PDE4D: variants seen among roughly 807,000 people sequenced by gnomAD.
PDE4D encodes phosphodiesterase 4D.
A neutral mutation model predicts 87.4 loss-of-function variants in PDE4D; 24 were observed. The ratio of observed to expected loss-of-function variants is 0.27; its 90% CI spans 0.20 to 0.39. The LOEUF (loss-of-function observed/expected upper bound fraction) is 0.39, where lower values mean the gene tolerates loss of function less well. Among genes scored for constraint, PDE4D ranks in the 10% least tolerant of loss-of-function variants. The pLI is 1.00. For synonymous variants in PDE4D, 384 were observed against 383.2 expected, an observed-to-expected ratio of 1.00 and a Z score of -0.02; for missense variants, 714 against 1,041.0, an observed-to-expected ratio of 0.69 and a Z score of 4.32.
intron 1 of PDE4D, among the ~76,000 whole-genome samples, chr5:59,665,823 T>C (rs1479038000): frequency 6.6e-6 from 1 of 152,064 alleles, no homozygotes; most frequent in African/African-American, 2.4e-5. Context: ...TTCTTCCAAG[T>C]GAGGACACAG....
chr5:59,522,081 T>TA (rs1434457649), intron 1 of PDE4D, among the ~76,000 whole-genome samples: 1 of 152,208 alleles, frequency 6.6e-6, no homozygotes, highest in African/African-American at 2.4e-5. Context: ...TTCACAAATT[T>TA]AAAAAATACA....
intron 2 of PDE4D, among the ~76,000 whole-genome samples, chr5:60,092,744 C>T (rs1775268983): frequency 1.3e-5 from 2 of 152,124 alleles, no homozygotes; most frequent in South Asian, 4.1e-4. Context: ...AGTGAATCAC[C>T]AAGCCCATAT....
intron 1 of PDE4D, among the ~76,000 whole-genome samples, chr5:59,359,229 C>T (rs1482983795): frequency 6.6e-6 from 1 of 152,074 alleles, no homozygotes; most frequent in Non-Finnish European, 1.5e-5. Flanking sequence ...TTTCCCCCTG[C>T]TTTGTAAAGG....
chr5:60,131,979 A>T (rs1368623510), intron 2 of PDE4D, among the ~76,000 whole-genome samples: 4 of 152,202 alleles, frequency 2.6e-5, no homozygotes, highest in Non-Finnish European at 4.4e-5. Context: ...TTCAGTAATC[A>T]ACACCACTCA....
chr5:60,496,747 A>C (rs1749830652), intron 1 of PDE4D, among the ~76,000 whole-genome samples: 1 of 152,212 alleles, frequency 6.6e-6, no homozygotes. Flanking sequence ...AAGGACATAG[A>C]GTTGATAGGT....
At chr5:58,985,584 G>A (rs1027072863) in intron 11 of PDE4D, among the ~76,000 whole-genome samples, 1 of 152,116 alleles carries the variant, frequency 6.6e-6, no homozygotes, top group Non-Finnish European at 1.5e-5. Flanking sequence ...AGTAAGACAA[G>A]TAACCAACTA....
At chr5:59,332,866 A>G (rs904331881) in intron 1 of PDE4D, among the ~76,000 whole-genome samples, 17 of 152,166 alleles carry the variant, frequency 1.1e-4, no homozygotes, top group South Asian at 4.1e-4. Flanking sequence ...TGACACAGAC[A>G]TGATCATCTG....
At chr5:59,553,391 A>G (rs1355574064) in intron 1 of PDE4D, among the ~76,000 whole-genome samples, 2 of 152,210 alleles carry the variant, frequency 1.3e-5, no homozygotes, top group African/African-American at 4.8e-5. Flanking sequence ...CTCCATGCCA[A>G]CAGTCCACTC....
chr5:60,356,703 T>C (rs566376047), intron 1 of PDE4D, among the ~76,000 whole-genome samples: 17 of 152,332 alleles, frequency 1.1e-4, no homozygotes, highest in Middle Eastern at 3.4e-3. Context: ...TACTGAATAT[T>C]CAAGTGAACC....
intron 1 of PDE4D, among the ~76,000 whole-genome samples, chr5:60,241,423 G>A (rs183129565): frequency 1.7e-3 from 260 of 151,874 alleles, no homozygotes; most frequent in Non-Finnish European, 1.5e-3. Flanking sequence ...ACAGGCACAC[G>A]CCACCACACT....
At chr5:59,257,950 A>AG (rs1293060665) in intron 1 of PDE4D, among the ~76,000 whole-genome samples, 10 of 151,988 alleles carry the variant, frequency 6.6e-5, no homozygotes, top group African/African-American at 2.4e-4. Context: ...AAAACACCCC[A>AG]GTCAAAGACA....
At chr5:59,586,320 A>G (rs1043032108) in intron 1 of PDE4D, 8 of 1,586,426 alleles carry the variant, frequency 5.0e-6, no homozygotes, top group African/African-American at 1.3e-5. Context: ...GGGAATATTG[A>G]TTACTCACCA....
chr5:60,354,045 TGATAA>T, intron 1 of PDE4D, among the ~76,000 whole-genome samples: 1 of 152,138 alleles, frequency 6.6e-6, no homozygotes, highest in Non-Finnish European at 1.5e-5. Flanking sequence ...TCTTAATAAC[TGATAA>T]GATAATACAG....
At chr5:59,978,645 G>A (rs76016232) in intron 3 of PDE4D, among the ~76,000 whole-genome samples, 5,638 of 152,272 alleles carry the variant, frequency 0.037, 311 homozygotes, top group African/African-American at 0.13. Context: ...CAGCAGCAGC[G>A]TTTAAGAGGA....
intron 1 of PDE4D, among the ~76,000 whole-genome samples, chr5:59,849,411 C>G (rs1744349823): frequency 6.6e-6 from 1 of 151,812 alleles, no homozygotes; most frequent in African/African-American, 2.4e-5. Flanking sequence ...TCCAGTAAAA[C>G]ATAAATAACT....
intron 1 of PDE4D, among the ~76,000 whole-genome samples, chr5:60,357,367 T>A (rs533055497): frequency 8.6e-5 from 13 of 151,904 alleles, no homozygotes; most frequent in African/African-American, 3.1e-4. Context: ...ACTCTCTGGC[T>A]TATTTTCTGA....
chr5:60,380,988 G>A (rs961955304), intron 1 of PDE4D, among the ~76,000 whole-genome samples: 2 of 152,158 alleles, frequency 1.3e-5, no homozygotes, highest in Admixed American at 1.3e-4. Context: ...GGTGGCTCAA[G>A]CCCTGCACAT....
chr5:60,280,337 C>T (rs1223037181), intron 1 of PDE4D, among the ~76,000 whole-genome samples: 1 of 138,948 alleles, frequency 7.2e-6, no homozygotes, highest in East Asian at 2.2e-4. Flanking sequence ...AATATATATA[C>T]ACACATATAT....
intron 1 of PDE4D, among the ~76,000 whole-genome samples, chr5:59,278,404 C>T (rs1032768157): frequency 2.0e-4 from 30 of 152,000 alleles, no homozygotes; most frequent in Admixed American, 1.3e-3. Context: ...CCAGAAGCTG[C>T]GATTATTTCT....
Sources: gnomAD v4.1 joint callset for allele counts (sites outside exome capture counted in the v4.1 genomes callset) on GRCh38, gnomAD v4.1.1 for gene constraint, MANE v1.5 for transcripts, NCBI Gene and HGNC (gene_info 2026-07-23, HGNC 2026-07-21) for gene names.